Variants in CCDC85A observed in about 807,000 individuals in gnomAD.
The protein encoded by CCDC85A is coiled-coil domain containing 85A, also known as coiled-coil domain-containing protein 85A.
Under a neutral mutation model 50.2 loss-of-function variants are expected in CCDC85A, and 38 were observed. That is an observed-to-expected ratio of 0.76 (90% CI 0.58 to 0.99). CCDC85A has a LOEUF of 0.99. Ranked by LOEUF, CCDC85A falls within the 50% of genes least tolerant of loss-of-function variation. The pLI is 0.00. For synonymous variants in CCDC85A, 366 were observed against 301.4 expected, an observed-to-expected ratio of 1.21 and a Z score of -2.22; for missense variants, 820 against 742.0, an observed-to-expected ratio of 1.11 and a Z score of -1.22.
At position 56,297,393 on chromosome 2, in the gene CCDC85A, CTTT is replaced by C. The variant is rs72027842; in HGVS notation, c.1241-45473_1241-45471del. Among the ~76,000 whole-genome samples the C allele has an allele frequency of 4.4e-5, 6 of 136,272 alleles. No individual in the cohort carries two copies. In the East Asian group the frequency reaches 8.6e-4, roughly 20 times the overall value. 89.4% of individuals were successfully genotyped at this position (136,272 alleles called of 152,430 possible). A position where few individuals can be genotyped will look rare whatever the true frequency, so the allele number is the denominator to read the frequency against. The stretch of plus-strand genomic sequence containing the variant: ...TTTGGATACTAGTCTTTGTACGAGC[CTTT>C]TTTTTTTTTTTTAATTGTGTGACCT... On this transcript the variant is annotated intron_variant, in intron 2 of 5. Coordinates refer to ENST00000407595, the MANE Select transcript of CCDC85A (RefSeq NM_001080433.2).
intron 2 of CCDC85A, among the ~76,000 whole-genome samples, chr2:56,200,575 G>T (rs938117459): frequency 5.3e-5 from 8 of 152,190 alleles, no homozygotes; most frequent in African/African-American, 1.7e-4. Flanking sequence ...TGCCGTTCAA[G>T]TGTTTCCAAT....
At chr2:56,197,618 T>C (rs1200923357) in intron 2 of CCDC85A, among the ~76,000 whole-genome samples, 3 of 152,122 alleles carry the variant, frequency 2.0e-5, no homozygotes, top group Non-Finnish European at 4.4e-5. Context: ...CAGTGAGTCA[T>C]TTTGCTTAAG....
Position 56,192,797 on chromosome 2 carries a change from C to T in CCDC85A, c.597C>T (p.Ser199=). The stretch of plus-strand genomic sequence containing the variant: ...CCAGCCTGTGCCAACTCACAGCCTC[C>T]ACCGCACCCTACGTGCGGGATGTGG... ...SQASLCQLTA[S]TAPYVRDVGD... is the part of the protein sequence containing the mutation. The change falls in exon 2 of 6, where the codon TCC becomes TCT. Residue 199 remains serine (S), a synonymous_variant. Coordinates refer to ENST00000407595, the MANE Select transcript of CCDC85A (RefSeq NM_001080433.2). This position sits in a 1 kb window ranked among gnomAD's most constrained non-coding sequence, Gnocchi z 4.7. The T allele has an allele frequency of 6.2e-7, 1 of 1,613,376 alleles. No individual in the cohort carries two copies. Among genetic ancestry groups the T allele is most frequent in the Non-Finnish European group, 8.5e-7 (1 of 1,179,662 alleles).
chr2:56,227,009 C>G (rs1000915441), intron 2 of CCDC85A, among the ~76,000 whole-genome samples: 3 of 152,224 alleles, frequency 2.0e-5, no homozygotes, highest in Admixed American at 1.3e-4. Flanking sequence ...CTAATGAAAA[C>G]CATTCAATAA....
chr2:56,379,027 G>T (rs539305212), intron 5 of CCDC85A, among the ~76,000 whole-genome samples: 1 of 152,254 alleles, frequency 6.6e-6, no homozygotes, highest in African/African-American at 2.4e-5. Context: ...CATTTTTAAA[G>T]GAATATTATT....
chr2:56,368,685 C>G (rs1675924704), intron 3 of CCDC85A, among the ~76,000 whole-genome samples: 1 of 151,976 alleles, frequency 6.6e-6, no homozygotes, highest in Admixed American at 6.6e-5. Context: ...GCTGGGGTCT[C>G]AAATTTGTTA....
chr2:56,378,600 T>C (rs572510016), intron 5 of CCDC85A, among the ~76,000 whole-genome samples: 4 of 152,328 alleles, frequency 2.6e-5, no homozygotes, highest in Middle Eastern at 3.4e-3. Flanking sequence ...GTATCAGGGC[T>C]CAGAAGTGGC....
chr2:56,363,429 C>T (rs6545574), intron 3 of CCDC85A, among the ~76,000 whole-genome samples: 35,681 of 152,088 alleles, frequency 0.23, 4,777 homozygotes, highest in African/African-American at 0.37. Flanking sequence ...GACCTACAGC[C>T]TAACTGGTAG....
chr2:56,299,839 A>T (rs1672120860), intron 2 of CCDC85A, among the ~76,000 whole-genome samples: 1 of 152,134 alleles, frequency 6.6e-6, no homozygotes, highest in South Asian at 2.1e-4. Flanking sequence ...CTTCCCCTCC[A>T]TTCATTTCTT....
intron 2 of CCDC85A, among the ~76,000 whole-genome samples, chr2:56,240,835 C>T (rs147584552): frequency 5.3e-5 from 8 of 152,136 alleles, no homozygotes; most frequent in South Asian, 2.1e-4. Context: ...ATGAGTAAGG[C>T]CACTATAAAC....
intron 5 of CCDC85A, 61 bp from the exon 6 acceptor site, chr2:56,384,205 A>G: frequency 6.8e-7 from 1 of 1,467,398 alleles, no homozygotes; most frequent in Non-Finnish European, 9.5e-7. Context: ...CCCTTAAGAA[A>G]TGCAAATCTC....
chr2:56,371,280 C>T (rs1486457460), intron 3 of CCDC85A, among the ~76,000 whole-genome samples: 1 of 152,050 alleles, frequency 6.6e-6, no homozygotes, highest in Non-Finnish European at 1.5e-5. Flanking sequence ...TATTTCTTCT[C>T]TTTCTTACTT....
At chr2:56,288,402 T>C (rs1404287436) in intron 2 of CCDC85A, among the ~76,000 whole-genome samples, 1 of 152,084 alleles carries the variant, frequency 6.6e-6, no homozygotes, top group East Asian at 1.9e-4. Context: ...TCACTGTCAG[T>C]TTTTAAGATC....
chr2:56,347,615 A>G (rs765779050), intron 3 of CCDC85A, among the ~76,000 whole-genome samples: 3 of 151,894 alleles, frequency 2.0e-5, no homozygotes, highest in Admixed American at 6.6e-5. Context: ...CTTGAAAACC[A>G]TAAAGGTTTA....
chr2:56,308,966 T>C (rs1236153397), intron 2 of CCDC85A, among the ~76,000 whole-genome samples: 2 of 152,170 alleles, frequency 1.3e-5, no homozygotes, highest in Non-Finnish European at 2.9e-5. Context: ...GCCAGAACTC[T>C]GTTTTGGAGG....
intron 2 of CCDC85A, among the ~76,000 whole-genome samples, chr2:56,239,415 T>A (rs908304849): frequency 2.0e-5 from 3 of 152,084 alleles, no homozygotes; most frequent in Non-Finnish European, 4.4e-5. Context: ...TCTGTAGGGT[T>A]AATCTGGCCT....
At chr2:56,233,936 G>C (rs1668886400) in intron 2 of CCDC85A, among the ~76,000 whole-genome samples, 1 of 152,146 alleles carries the variant, frequency 6.6e-6, no homozygotes, top group Non-Finnish European at 1.5e-5. Context: ...GGAAAAGTTG[G>C]CTGATGCATA....
chr2:56,382,021 C>T (rs1309919749), intron 5 of CCDC85A, among the ~76,000 whole-genome samples: 1 of 151,734 alleles, frequency 6.6e-6, no homozygotes, highest in African/African-American at 2.4e-5. Flanking sequence ...GTCTTTGATC[C>T]CCAGAATTTG....
rs182907176 is a variant in CCDC85A at position 56,226,740 on chromosome 2, C to T, written c.1240+33300C>T. On this transcript the variant is annotated intron_variant, in intron 2 of 5. Coordinates refer to ENST00000407595, the MANE Select transcript of CCDC85A (RefSeq NM_001080433.2). ...CCCCAGCCCTCCTACTCTTCCCATC[C>T]GCTTCATAGGATTAAGGAATTTAAT... Among the ~76,000 whole-genome samples the T allele has an allele frequency of 2.5e-4, 38 of 152,068 alleles. No homozygotes were observed. The East Asian group carries it at 4.9e-3, about 19-fold the overall frequency.
Sources: allele counts gnomAD v4.1 joint callset (sites outside exome capture counted in the v4.1 genomes callset), GRCh38; gene constraint gnomAD v4.1.1; non-coding constraint Gnocchi (gnomAD v3.1); transcripts MANE v1.5; gene names NCBI Gene and HGNC (gene_info 2026-07-23, HGNC 2026-07-21).